NR2F6: variants seen among roughly 807,000 people sequenced by gnomAD.
NR2F6 encodes ERBA-related gene-2.
NR2F6 carries 16 observed loss-of-function variants against 26.5 expected under a neutral mutation model. The ratio of observed to expected loss-of-function variants is 0.60; its 90% CI spans 0.41 to 0.92. NR2F6 has a LOEUF of 0.92. Among genes scored for constraint, NR2F6 ranks in the 40% least tolerant of loss-of-function variants. NR2F6 has a pLI of 0.00. For synonymous variants in NR2F6, 325 were observed against 305.0 expected, an observed-to-expected ratio of 1.07 and a Z score of -0.68; for missense variants, 536 against 631.7, an observed-to-expected ratio of 0.85 and a Z score of 1.62.
At chr19:17,243,183 C>CCAG (rs1412100933) in intron 1 of NR2F6, among the ~76,000 whole-genome samples, 2 of 152,190 alleles carry the variant, frequency 1.3e-5, no homozygotes, top group Non-Finnish European at 2.9e-5. Context: ...CTAGCCTCCT[C>CCAG]CAGGCAGCCC....
At chr19:17,244,516 C>T (rs1403965263) in intron 1 of NR2F6, 1 of 183,998 alleles carries the variant, frequency 5.4e-6, no homozygotes, top group African/African-American at 2.4e-5. Flanking sequence ...AGACAATGGC[C>T]CCTGGACGCT....
chr19:17,234,904 T>C (rs571359970), intron 3 of NR2F6, among the ~76,000 whole-genome samples: 11 of 152,194 alleles, frequency 7.2e-5, no homozygotes, highest in African/African-American at 2.6e-4. Context: ...AAAAAAAAAT[T>C]TGGCTGTACC....
rs960671155 is a variant in NR2F6, at chr19:17,235,597, T to C, written c.842A>G (p.Gln281Arg). Residue 281 changes from glutamine to arginine, a missense_variant, in exon 3 of 4, where the codon CAG becomes CGG. Gln to Arg is a conservative substitution (Grantham distance 43). Transcript: ENST00000291442. The surrounding 1 kb of genome is among the most constrained non-coding windows in gnomAD (Gnocchi z 5.0). ...AAERAVAFMDQVRAFQEQVDK... is the reference protein window; with the variant it reads ...AAERAVAFMDRVRAFQEQVDK... ...CACCTGCTCCTGGAAGGCGCGCACCTGGTCCATGAAAGCCACGGCGCGCTC... is the reference window on the plus strand; with the variant it reads ...CACCTGCTCCTGGAAGGCGCGCACCCGGTCCATGAAAGCCACGGCGCGCTC... 3 of 1,582,652 alleles carry C rather than the reference T, an allele frequency of 1.9e-6. No individual in the cohort carries two copies. Among genetic ancestry groups the C allele is most frequent in the South Asian group, 1.1e-5 (1 of 88,802 alleles).
Position 17,235,401 on chromosome 19 carries a change from CGGGGCGCTAT to C in NR2F6, c.940+88_940+97del, listed in dbSNP as rs1735107349. The C allele has an allele frequency of 6.7e-7, 1 of 1,497,710 alleles. No homozygotes were observed. The highest frequency in any genetic ancestry group is 2.1e-5 in the Admixed American group (1 of 47,600). The allele number at this position is 1,497,710 out of a possible 1,614,324, so 92.8% of individuals were successfully genotyped here. On this transcript the variant is annotated intron_variant, in intron 3 of 3. Coordinates refer to ENST00000291442, the MANE Select transcript of NR2F6 (RefSeq NM_005234.4). This position sits in a 1 kb window ranked among gnomAD's most constrained non-coding sequence, Gnocchi z 5.0. ...CAGGGCCCCAGGCCTAGGGAGCGAG[CGGGGCGCTAT>C]GGGGGCCGGAGTCTGGGTCCAGGCC...
Position 17,235,669 on chromosome 19 carries a change from G to A in NR2F6, c.770C>T (p.Ala257Val), listed in dbSNP as rs2073432186. ...AAQAALPLHTAPLLAAAGLHA... is the reference protein window; with the variant it reads ...AAQAALPLHTVPLLAAAGLHA... The stretch of plus-strand genomic sequence containing the variant: ...GAGGCCGGCGGCGGCCAGTAGCGGC[G>A]CCGTGTGCAGGGGCAGCGCCGCCTG... Residue 257 changes from alanine to valine, a missense_variant, in exon 3 of 4, where the codon GCG (alanine) becomes GTG (valine). Physicochemically the swap from Ala to Val is moderately conservative, Grantham distance 64 (BLOSUM62 0). Coordinates refer to ENST00000291442, the MANE Select transcript of NR2F6 (RefSeq NM_005234.4). The surrounding 1 kb of genome is among the most constrained non-coding windows in gnomAD (Gnocchi z 5.0). 48 of 1,516,404 alleles carry A rather than the reference G, an allele frequency of 3.2e-5. No homozygotes were observed. The highest frequency in any genetic ancestry group is 4.0e-5 in the Non-Finnish European group (46 of 1,140,194). 93.9% of individuals were successfully genotyped at this position (1,516,404 alleles called of 1,614,324 possible).
In NR2F6 at chr19:17,245,847, T is replaced by G. The variant is rs988920069; in HGVS notation, c.-627A>C. 1 of 146,196 alleles carries G rather than the reference T, an allele frequency of 6.8e-6. No homozygotes were observed. The highest frequency in any genetic ancestry group is 2.5e-5 in the African/African-American group (1 of 40,584). The allele number at this position is 146,196 out of a possible 1,614,324, so 9.1% of individuals were successfully genotyped here. ...CTCCTGCCTGGCCTGGGCCTGCGCC[T>G]GGGCCCAAGCCTCGCTCTCGCCGCC... On this transcript the variant is annotated 5_prime_UTR_variant, in exon 1 of 4. Transcript: ENST00000291442. This position sits in a 1 kb window ranked among gnomAD's most constrained non-coding sequence, Gnocchi z 5.0.
In NR2F6 at chr19:17,235,390, T is replaced by C. The variant is rs2073430113; in HGVS notation, c.940+109A>G. 3.4e-6 allele frequency: 5 copies of C among 1,491,758 alleles called. 1 individual carries two copies. In the South Asian group the frequency reaches 5.2e-5, roughly 15 times the overall value. 92.4% of individuals were successfully genotyped at this position (1,491,758 alleles called of 1,614,324 possible). A position where few individuals can be genotyped will look rare whatever the true frequency, so the allele number is the denominator to read the frequency against. On this transcript the variant is annotated intron_variant, in intron 3 of 3. Transcript: ENST00000291442. This position sits in a 1 kb window ranked among gnomAD's most constrained non-coding sequence, Gnocchi z 5.0. ...CACGGCGCGTGCAGGGCCCCAGGCC[T>C]AGGGAGCGAGCGGGGCGCTATGGGG...
In NR2F6 at chr19:17,235,455, C is replaced by T; in HGVS notation, c.940+44G>A. The T allele has an allele frequency of 6.5e-7, 1 of 1,540,276 alleles. No individual in the cohort carries two copies. The highest frequency in any genetic ancestry group is 1.4e-5 in the African/African-American group (1 of 72,882). ...CCAGGCCGCCCTCCTCCTAACCTCC[C>T]TTGGGTCCCCCCATCCCGCGGCCCT... On this transcript the variant is annotated intron_variant, in intron 3 of 3. Coordinates refer to ENST00000291442, the MANE Select transcript of NR2F6 (RefSeq NM_005234.4). The surrounding 1 kb of genome is among the most constrained non-coding windows in gnomAD (Gnocchi z 5.0).
rs2073495300 is a variant in NR2F6, at chr19:17,245,733, C to T, written c.-513G>A. On this transcript the variant is annotated 5_prime_UTR_variant, in exon 1 of 4. Coordinates refer to ENST00000291442, the MANE Select transcript of NR2F6 (RefSeq NM_005234.4). The surrounding 1 kb of genome is among the most constrained non-coding windows in gnomAD (Gnocchi z 5.0). ...CGCGCCGGGGCTGATCGCCGCGCCCCCTGGGTCCCCCGGCGCCCGCGGCTG... is the reference window on the plus strand; with the variant it reads ...CGCGCCGGGGCTGATCGCCGCGCCCTCTGGGTCCCCCGGCGCCCGCGGCTG... 6.9e-6 allele frequency: 1 copy of T among 145,364 alleles called. No individual in the cohort carries two copies. The highest frequency in any genetic ancestry group is 2.0e-4 in the East Asian group (1 of 5,000). 9.0% of individuals were successfully genotyped at this position (145,364 alleles called of 1,614,324 possible).
rs1310745889 is a variant in NR2F6 at position 17,240,435 on chromosome 19, C to G, written c.373+236G>C. On this transcript the variant is annotated intron_variant, in intron 2 of 3. Coordinates refer to ENST00000291442, the MANE Select transcript of NR2F6 (RefSeq NM_005234.4). ...GCCTCTTCAGCTCCACGGCAGCAAC[C>G]AGGGGGCCACGGATCCTAATTGGAT... Among the ~76,000 whole-genome samples, 4 of 152,168 alleles carry G rather than the reference C, an allele frequency of 2.6e-5. No individual in the cohort carries two copies. The East Asian group carries it at 7.7e-4, about 29-fold the overall frequency.
Position 17,245,217 on chromosome 19 carries a change from C to T in NR2F6, c.4G>A (p.Ala2Thr), listed in dbSNP as rs1402408164. M[A>T]MVTGGWGGPG... is the part of the protein sequence containing the mutation. ...CCGCCCCAGCCGCCGGTCACCATGG[C>T]CATAGCCCCAGGGCAGCGGGGCCGG... The change falls in exon 1 of 4, where the codon GCC (alanine) becomes ACC (threonine). Residue 2 changes from alanine (A) to threonine (T), a missense_variant. Ala to Thr is a moderately conservative substitution (Grantham distance 58). Transcript: ENST00000291442. The surrounding 1 kb of genome is among the most constrained non-coding windows in gnomAD (Gnocchi z 5.0). 6 of 1,352,266 alleles carry T rather than the reference C, an allele frequency of 4.4e-6. No homozygotes were observed. The highest frequency in any genetic ancestry group is 1.5e-5 in the African/African-American group (1 of 64,600). The allele number at this position is 1,352,266 out of a possible 1,614,324, so 83.8% of individuals were successfully genotyped here.
chr19:17,242,794 A>C (rs1166351383), intron 1 of NR2F6, among the ~76,000 whole-genome samples: 1 of 152,118 alleles, frequency 6.6e-6, no homozygotes, highest in East Asian at 1.9e-4. Flanking sequence ...CTTCAGTCTC[A>C]ACTTCCCCAG....
intron 1 of NR2F6, among the ~76,000 whole-genome samples, chr19:17,244,681 G>T (rs562702100): frequency 6.6e-6 from 1 of 152,308 alleles, no homozygotes; most frequent in East Asian, 1.9e-4. Context: ...CAGAGAAAAA[G>T]CGGAGGGAAG....
chr19:17,240,829 T>G (rs2073465553), intron 1 of NR2F6, 64 bp from the exon 2 acceptor site: 1 of 1,532,782 alleles, frequency 6.5e-7, no homozygotes. Flanking sequence ...AACCAGCCTA[T>G]GAGCCGCCTT....
intron 1 of NR2F6, among the ~76,000 whole-genome samples, chr19:17,243,593 A>G (rs1234523976): frequency 6.6e-6 from 1 of 152,136 alleles, no homozygotes; most frequent in African/African-American, 2.4e-5. Flanking sequence ...TCCAGCAGCA[A>G]GAATGAGGCC....
intron 2 of NR2F6, among the ~76,000 whole-genome samples, chr19:17,237,128 G>A (rs1458115083): frequency 6.6e-6 from 1 of 152,154 alleles, no homozygotes; most frequent in Admixed American, 6.5e-5. Flanking sequence ...CAGAAGCCAG[G>A]GGCGAACAGA....
Position 17,232,228 on chromosome 19 carries a change from A to C in NR2F6, c.*124T>G, listed in dbSNP as rs1178732499. The C allele has an allele frequency of 3.8e-6, 5 of 1,304,132 alleles. No homozygotes were observed. In the African/African-American group the frequency reaches 6.0e-5, roughly 16 times the overall value. The allele number at this position is 1,304,132 out of a possible 1,614,324, so 80.8% of individuals were successfully genotyped here. A position where few individuals can be genotyped will look rare whatever the true frequency, so the allele number is the denominator to read the frequency against. On this transcript the variant is annotated 3_prime_UTR_variant, in exon 4 of 4. Coordinates refer to ENST00000291442, the MANE Select transcript of NR2F6 (RefSeq NM_005234.4). ...AGACAAACATTTCACAGTCTTTAAA[A>C]AATAGAAGTCTGAGGAGAGAAGCCA... is the stretch of plus-strand genomic sequence containing the variant.
In NR2F6 at chr19:17,232,535, C is replaced by T. The variant is rs567456063; in HGVS notation, c.1032G>A (p.Pro344=). 1.8e-5 allele frequency: 29 copies of T among 1,608,706 alleles called. No homozygotes were observed. Among genetic ancestry groups the T allele is most frequent in the South Asian group, 6.6e-5 (6 of 90,650 alleles). The part of the protein sequence containing the change: ...ALTEYVRAQY[P]SQPQRFGRLL... ...GGCGCCCGAAGCGCTGGGGCTGGGACGGGTACTGCGCCCGCACATACTCGG... is the reference window on the plus strand; with the variant it reads ...GGCGCCCGAAGCGCTGGGGCTGGGATGGGTACTGCGCCCGCACATACTCGG... Residue 344 remains proline, a synonymous_variant, in exon 4 of 4, where the codon CCG becomes CCA. Coordinates refer to ENST00000291442, the MANE Select transcript of NR2F6 (RefSeq NM_005234.4).
At chr19:17,244,647 C>T (rs117752742) in intron 1 of NR2F6, 1 of 377,340 alleles carries the variant, frequency 2.7e-6, no homozygotes, top group South Asian at 3.1e-5. Context: ...CTACCCCCAC[C>T]CCAGCGCGGA....
Sources: gnomAD v4.1 joint callset for allele counts (sites outside exome capture counted in the v4.1 genomes callset) on GRCh38, gnomAD v4.1.1 for gene constraint, Gnocchi (gnomAD v3.1) non-coding constraint, MANE v1.5 for transcripts, NCBI Gene and HGNC (gene_info 2026-07-23, HGNC 2026-07-21) for gene names.